Variants in KDM2A observed in about 807,000 individuals in gnomAD.
KDM2A encodes lysine-specific demethylase 2A.
A neutral mutation model predicts 137.3 loss-of-function variants in KDM2A; 3 were observed. The ratio of observed to expected loss-of-function variants is 0.02; its 90% confidence interval spans 0.01 to 0.06. KDM2A has a LOEUF of 0.06. Among genes scored for constraint, KDM2A ranks in the 10% least tolerant of loss-of-function variants. The pLI, the probability that KDM2A is intolerant of heterozygous loss-of-function variation, is 1.00. For synonymous variants in KDM2A, 512 were observed against 541.5 expected, an observed-to-expected ratio of 0.95 and a Z score of 0.76; for missense variants, 738 against 1,510.6, an observed-to-expected ratio of 0.49 and a Z score of 8.48.
chr11:67,250,868 AGCAT>A lies in KDM2A; in HGVS notation c.2768+74_2768+77del, dbSNP rs1859400140. On this transcript the variant is annotated intron_variant, in intron 17 of 20. Transcript: ENST00000529006. The surrounding 1 kb of genome is among the most constrained non-coding windows in gnomAD (Gnocchi z 7.1). The stretch of plus-strand genomic sequence containing the variant: ...GGTGGCAGGTTTTCCATATGAGAAC[AGCAT>A]GCACCTTGGCATCTGAAAGCCTGTG... The A allele has an allele frequency of 8.6e-7, 1 of 1,159,644 alleles. No individual in the cohort carries two copies. The highest frequency in any genetic ancestry group is 1.5e-5 in the African/African-American group (1 of 64,846). 71.8% of individuals were successfully genotyped at this position (1,159,644 alleles called of 1,614,324 possible). A position where few individuals can be genotyped will look rare whatever the true frequency, so the allele number is the denominator to read the frequency against.
At chr11:67,160,793 A>G (rs999552040) in intron 2 of KDM2A, among the ~76,000 whole-genome samples, 3 of 152,104 alleles carry the variant, frequency 2.0e-5, no homozygotes, top group Non-Finnish European at 4.4e-5. Context: ...CAAAAAAAAA[A>G]TGAGATAGAC....
chr11:67,140,948 A>G (rs926612994), intron 2 of KDM2A, among the ~76,000 whole-genome samples: 6 of 152,120 alleles, frequency 3.9e-5, no homozygotes, highest in Admixed American at 1.3e-4. Context: ...AAAAAACGCT[A>G]TATTTTAATT....
At chr11:67,176,601 A>C (rs1351537218) in intron 2 of KDM2A, among the ~76,000 whole-genome samples, 1 of 152,228 alleles carries the variant, frequency 6.6e-6, no homozygotes, top group Non-Finnish European at 1.5e-5. Flanking sequence ...CTAACAATCT[A>C]GAGTGTACTT....
chr11:67,161,129 A>G, intron 2 of KDM2A, among the ~76,000 whole-genome samples: 1 of 152,194 alleles, frequency 6.6e-6, no homozygotes, highest in African/African-American at 2.4e-5. Flanking sequence ...TGGGAGGCCA[A>G]GTTGGGAGGA....
chr11:67,187,149 G>A (rs1857225687), intron 5 of KDM2A, among the ~76,000 whole-genome samples: 1 of 152,038 alleles, frequency 6.6e-6, no homozygotes, highest in South Asian at 2.1e-4. Flanking sequence ...AAGATCTATA[G>A]TATATATACA....
chr11:67,222,416 A>C (rs1367199438), intron 10 of KDM2A, among the ~76,000 whole-genome samples: 1 of 10,898 alleles, frequency 9.2e-5, no homozygotes, highest in African/African-American at 3.9e-4. Context: ...ACAGGATCCC[A>C]AGGCAGAGGA....
chr11:67,127,610 C>G lies in KDM2A; in HGVS notation c.42+6252C>G, dbSNP rs184171755. ...TTACAAGGAACTGCGGCCACTGAAA[C>G]TCTGGCAATAGTCCCACCTTTCCTT... On this transcript the variant is annotated intron_variant, in intron 2 of 20. Coordinates refer to ENST00000529006, the MANE Select transcript of KDM2A (RefSeq NM_012308.3). Among the ~76,000 whole-genome samples the G allele has an allele frequency of 8.5e-5, 13 of 152,278 alleles. No individual in the cohort carries two copies. In the East Asian group the frequency reaches 2.3e-3, roughly 27 times the overall value.
At chr11:67,134,275 G>C (rs1029540734) in intron 2 of KDM2A, among the ~76,000 whole-genome samples, 1 of 152,174 alleles carries the variant, frequency 6.6e-6, no homozygotes, top group Non-Finnish European at 1.5e-5. Flanking sequence ...ATTTCTGATG[G>C]TCAGACTGGG....
rs113880816 is a variant in KDM2A at position 67,130,449 on chromosome 11, G to A, written c.42+9091G>A. Among the ~76,000 whole-genome samples the A allele has an allele frequency of 3.9e-3, 600 of 152,228 alleles. 2 individuals carry two copies. The highest frequency in any genetic ancestry group is 0.012 in the African/African-American group (517 of 41,558). ...CGTGAGCCACCATGCCCGGCCTTAAGCTCTCCTGTTCTAATCCTGTCCTAA... is the reference window on the plus strand; with the variant it reads ...CGTGAGCCACCATGCCCGGCCTTAAACTCTCCTGTTCTAATCCTGTCCTAA... On this transcript the variant is annotated intron_variant, in intron 2 of 20. Coordinates refer to ENST00000529006, the MANE Select transcript of KDM2A (RefSeq NM_012308.3).
chr11:67,221,061 A>G (rs956758101), intron 10 of KDM2A, among the ~76,000 whole-genome samples: 1 of 152,018 alleles, frequency 6.6e-6, no homozygotes, highest in African/African-American at 2.4e-5. Context: ...GTTCACAGGA[A>G]TCATAAAAAG....
chr11:67,175,724 C>G (rs1259989784), intron 2 of KDM2A, among the ~76,000 whole-genome samples: 2 of 152,022 alleles, frequency 1.3e-5, no homozygotes, highest in African/African-American at 4.8e-5. Flanking sequence ...AAGAAGAATC[C>G]GTTATGGTAG....
At position 67,180,222 on chromosome 11, in the gene KDM2A, G is replaced by A; in HGVS notation, c.181+5G>A. 1 of 1,612,826 alleles carries A rather than the reference G, an allele frequency of 6.2e-7. No individual in the cohort carries two copies. Among genetic ancestry groups the A allele is most frequent in the South Asian group, 1.1e-5 (1 of 90,922 alleles). On this transcript the variant is annotated splice_donor_5th_base_variant and intron_variant, in intron 3 of 20. Coordinates refer to ENST00000529006, the MANE Select transcript of KDM2A (RefSeq NM_012308.3). ...TTACTTTTATGGAAGGAAAAGGTCA[G>A]TATTGTTTTGGTTCCAGCTTACAGT...
intron 2 of KDM2A, among the ~76,000 whole-genome samples, chr11:67,124,338 G>C (rs937347362): frequency 2.2e-4 from 33 of 150,916 alleles, no homozygotes; most frequent in Non-Finnish European, 4.4e-4. Flanking sequence ...TTGAAATGGA[G>C]ACTCACTCTG....
At chr11:67,159,647 T>C (rs542222096) in intron 2 of KDM2A, among the ~76,000 whole-genome samples, 3 of 152,330 alleles carry the variant, frequency 2.0e-5, no homozygotes, top group East Asian at 3.9e-4. Flanking sequence ...GTAAATAATC[T>C]GTGGGGTGAT....
chr11:67,121,128 A>C, intron 1 of KDM2A, 106 bp from the exon 2 acceptor site: 1 of 586,950 alleles, frequency 1.7e-6, no homozygotes, highest in Non-Finnish European at 3.0e-6. Context: ...GAGGAACCTG[A>C]TTTTTCAGAG....
chr11:67,178,530 A>G (rs543669861), intron 2 of KDM2A, among the ~76,000 whole-genome samples: 2 of 152,342 alleles, frequency 1.3e-5, no homozygotes, highest in East Asian at 3.9e-4. Flanking sequence ...TACTATTAAC[A>G]GTCACTTCTC....
chr11:67,182,532 T>G (rs1857113224), intron 5 of KDM2A, among the ~76,000 whole-genome samples: 1 of 1,060 alleles, frequency 9.4e-4, no homozygotes, highest in South Asian at 0.028. Flanking sequence ...GAATAAGTCT[T>G]TTTTTTTTTT....
intron 2 of KDM2A, among the ~76,000 whole-genome samples, chr11:67,158,823 A>T (rs937873220): frequency 6.6e-6 from 1 of 152,074 alleles, no homozygotes; most frequent in African/African-American, 2.4e-5. Context: ...TGTCATCTGT[A>T]TATCTTCTCT....
At chr11:67,142,557 G>GGGGGTTGGGGTTGGGGTT (rs56758864) in intron 2 of KDM2A, among the ~76,000 whole-genome samples, 16 of 115,332 alleles carry the variant, frequency 1.4e-4, no homozygotes, top group Non-Finnish European at 2.8e-4. Flanking sequence ...AAGTTGGCCG[G>GGGGGTTGGGGTTGGGGTT]GGGGTTGGGG....
Sources: allele counts gnomAD v4.1 joint callset (sites outside exome capture counted in the v4.1 genomes callset), GRCh38; gene constraint gnomAD v4.1.1; non-coding constraint Gnocchi (gnomAD v3.1); transcripts MANE v1.5; gene names NCBI Gene and HGNC (gene_info 2026-07-23, HGNC 2026-07-21).